The following NUTM2E variants were observed in gnomAD, a reference collection of about 807,000 sequenced individuals.
NUTM2E encodes the protein NUT family member 2E.
A neutral mutation model predicts 26.1 loss-of-function variants in NUTM2E; 3 were observed. The observed-to-expected ratio is 0.12, with a 90% CI of 0.05 to 0.30. The LOEUF (loss-of-function observed/expected upper bound fraction) is 0.30. Among genes scored for constraint, NUTM2E ranks in the 10% least tolerant of loss-of-function variants. The pLI, the probability that NUTM2E is intolerant of heterozygous loss-of-function variation, is 1.00. For missense variants in NUTM2E, 62 were observed against 381.3 expected (o/e 0.16, Z 6.97); for synonymous variants, 13 against 157.5 (o/e 0.08, Z 6.87).
intron 1 of NUTM2E, among the ~76,000 whole-genome samples, chr10:79,829,279 T>G (rs1841911390): frequency 6.6e-6 from 1 of 151,330 alleles, no homozygotes; most frequent in Non-Finnish European, 1.5e-5. Flanking sequence ...ATGGTAAAAA[T>G]AACAATGAGA....
chr10:79,838,745 G>A (rs1190530181), intron 2 of NUTM2E, among the ~76,000 whole-genome samples, 35 bp from the exon 3 acceptor site: 1 of 151,808 alleles, frequency 6.6e-6, no homozygotes, highest in Non-Finnish European at 1.5e-5. Context: ...ACCAGGAGGT[G>A]ATTACCTTCT....
intron 1 of NUTM2E, among the ~76,000 whole-genome samples, chr10:79,832,614 T>TA (rs1182615699): frequency 1.3e-5 from 2 of 151,706 alleles, no homozygotes; most frequent in South Asian, 2.1e-4. Context: ...AGAAATAAAG[T>TA]ATATGGGGGC....
In NUTM2E at chr10:79,839,854, G is replaced by A. The variant is rs1286420728; in HGVS notation, c.-1887G>A. ...GACTTTCTGTGGGGATGCTCAGACA[G>A]CAGGGGCCGGAGGACTTTTAGCCAC... On this transcript the variant is annotated 5_prime_UTR_variant, in exon 4 of 10. Coordinates refer to ENST00000429984, the MANE Select transcript of NUTM2E (RefSeq NM_001355263.2). 1.3e-5 allele frequency among the ~76,000 whole-genome samples: 2 copies of A among 150,128 alleles called. No individual in the cohort carries two copies. The highest frequency in any genetic ancestry group is 3.0e-5 in the Non-Finnish European group (2 of 67,544).
chr10:79,830,037 A>C (rs1841916723), intron 1 of NUTM2E, among the ~76,000 whole-genome samples: 1 of 151,758 alleles, frequency 6.6e-6, no homozygotes, highest in Admixed American at 6.6e-5. Flanking sequence ...TTAAAATAAT[A>C]ATGATATATT....
Position 79,840,613 on chromosome 10 carries a change from C to T in NUTM2E, c.-1128C>T, listed in dbSNP as rs1322398821. Among the ~76,000 whole-genome samples, 1 of 148,980 alleles carries T rather than the reference C, an allele frequency of 6.7e-6. No individual in the cohort carries two copies. The highest frequency in any genetic ancestry group is 1.5e-5 in the Non-Finnish European group (1 of 67,318). On this transcript the variant is annotated 5_prime_UTR_variant, in exon 4 of 10. Coordinates refer to ENST00000429984, the MANE Select transcript of NUTM2E (RefSeq NM_001355263.2). ...CCCTGGGCTTGAGACTTGCAATCCA[C>T]CACTTGCCCCTGCCCCTGCCCCTGC...
rs1199195131 is a variant in NUTM2E at position 79,839,877 on chromosome 10, C to T, written c.-1864C>T. Among the ~76,000 whole-genome samples, 1 of 150,164 alleles carries T rather than the reference C, an allele frequency of 6.7e-6. No individual in the cohort carries two copies. Among genetic ancestry groups the T allele is most frequent in the Middle Eastern group, 3.4e-3 (1 of 290 alleles). On this transcript the variant is annotated 5_prime_UTR_variant, in exon 4 of 10. Transcript: ENST00000429984. ...CAGCAGGGGCCGGAGGACTTTTAGCCACCACCTCCCATGGCCAGTCTTCAC... is the reference window on the plus strand; with the variant it reads ...CAGCAGGGGCCGGAGGACTTTTAGCTACCACCTCCCATGGCCAGTCTTCAC...
Position 79,829,953 on chromosome 10 carries a change from T to G in NUTM2E, c.-2728+2596T>G, listed in dbSNP as rs1386495752. 3.3e-5 allele frequency among the ~76,000 whole-genome samples: 5 copies of G among 151,416 alleles called. No homozygotes were observed. In the East Asian group the frequency reaches 9.7e-4, roughly 29 times the overall value. The stretch of plus-strand genomic sequence containing the variant: ...CTGCTTTAAAATACATTTATTGTAC[T>G]CAGGAGAAGAGTCTGGAACTGTGGT... On this transcript the variant is annotated intron_variant, in intron 1 of 9. Coordinates refer to ENST00000429984, the MANE Select transcript of NUTM2E (RefSeq NM_001355263.2).
intron 1 of NUTM2E, among the ~76,000 whole-genome samples, chr10:79,829,250 AG>A (rs1841911272): frequency 6.6e-6 from 1 of 151,580 alleles, no homozygotes; most frequent in Non-Finnish European, 1.5e-5. Flanking sequence ...CCAGGTTTCA[AG>A]GGTGAGATAG....
chr10:79,834,474 G>A (rs1306935989), intron 1 of NUTM2E, among the ~76,000 whole-genome samples: 7 of 151,586 alleles, frequency 4.6e-5, no homozygotes, highest in Admixed American at 4.6e-4. Context: ...CCCGAGGCAG[G>A]CGGATCACCT....
chr10:79,832,148 G>A (rs1261730532), intron 1 of NUTM2E, among the ~76,000 whole-genome samples: 2 of 151,964 alleles, frequency 1.3e-5, no homozygotes, highest in Non-Finnish European at 2.9e-5. Context: ...TTCACCATAC[G>A]AATTTTGAAG....
intron 1 of NUTM2E, among the ~76,000 whole-genome samples, chr10:79,828,748 A>G (rs780359545): frequency 1.1e-4 from 17 of 151,870 alleles, no homozygotes; most frequent in Non-Finnish European, 2.1e-4. Flanking sequence ...AGTTTTATAC[A>G]TATCCTTCCC....
rs1262101132 is a variant in NUTM2E, at chr10:79,838,469, T to G, written c.-2567T>G. 2.7e-5 allele frequency among the ~76,000 whole-genome samples: 4 copies of G among 149,356 alleles called. No homozygotes were observed. The highest frequency in any genetic ancestry group is 9.8e-5 in the African/African-American group (4 of 40,812). ...CTTCTTTGCTGAACTGCATCACGGT[T>G]TCAACTGCTGAGGTTTTCTTCAAGC... On this transcript the variant is annotated 5_prime_UTR_variant, in exon 2 of 10. Coordinates refer to ENST00000429984, the MANE Select transcript of NUTM2E (RefSeq NM_001355263.2).
chr10:79,832,865 A>ATGTGTGTGTGTATG (rs1422901481), intron 1 of NUTM2E, among the ~76,000 whole-genome samples: 1 of 151,566 alleles, frequency 6.6e-6, no homozygotes, highest in Non-Finnish European at 1.5e-5. Flanking sequence ...GAAACAGTGT[A>ATGTGTGTGTGTATG]TGTGTGTGTG....
chr10:79,836,216 A>G (rs1841962786), intron 1 of NUTM2E, among the ~76,000 whole-genome samples: 1 of 151,826 alleles, frequency 6.6e-6, no homozygotes, highest in South Asian at 2.1e-4. Flanking sequence ...AAATCAGACC[A>G]TATGGTAATT....
chr10:79,837,869 AG>A (rs1435913063), intron 1 of NUTM2E, among the ~76,000 whole-genome samples: 3 of 151,932 alleles, frequency 2.0e-5, no homozygotes, highest in Non-Finnish European at 4.4e-5. Context: ...ACAGCCTTCA[AG>A]GAGCACAGCG....
At chr10:79,833,597 G>A (rs1413692215) in intron 1 of NUTM2E, among the ~76,000 whole-genome samples, 3 of 151,460 alleles carry the variant, frequency 2.0e-5, no homozygotes, top group Non-Finnish European at 2.9e-5. Context: ...GGCCAAAAAC[G>A]TGAAAAAAAG....
chr10:79,831,879 A>G (rs1274756734), intron 1 of NUTM2E, among the ~76,000 whole-genome samples: 3 of 151,044 alleles, frequency 2.0e-5, no homozygotes, highest in African/African-American at 7.3e-5. Flanking sequence ...GGGTGACTTA[A>G]TCACAAAACG....
chr10:79,838,207 A>AATCGCTTTTCT (rs1564742445), intron 1 of NUTM2E, among the ~76,000 whole-genome samples, 102 bp from the exon 2 acceptor site: 6 of 142,302 alleles, frequency 4.2e-5, no homozygotes, highest in East Asian at 2.0e-4. Context: ...AGCGATTCTC[A>AATCGCTTTTCT]TGGAAGCTTT....
chr10:79,836,075 T>C (rs1384273690), intron 1 of NUTM2E, among the ~76,000 whole-genome samples: 1 of 151,498 alleles, frequency 6.6e-6, no homozygotes, highest in Admixed American at 6.6e-5. Context: ...TACCAACTTT[T>C]AGACTTCTGT....
Sources: allele counts gnomAD v4.1 joint callset (sites outside exome capture counted in the v4.1 genomes callset), GRCh38; gene constraint gnomAD v4.1.1; transcripts MANE v1.5; gene names NCBI Gene and HGNC (gene_info 2026-07-23, HGNC 2026-07-21).